The following INSR variants were observed in gnomAD, a reference collection of about 807,000 sequenced individuals.
INSR encodes IR.
INSR carries 67 observed loss-of-function variants against 142.6 expected under a neutral mutation model. The ratio of observed to expected loss-of-function variants is 0.47; its 90% CI spans 0.39 to 0.58. The LOEUF (loss-of-function observed/expected upper bound fraction) is 0.58, where lower values mean the gene tolerates loss of function less well. Ranked by LOEUF, INSR falls within the 20% of genes least tolerant of loss-of-function variation. The pLI, the probability that INSR is intolerant of heterozygous loss-of-function variation, is 0.00. For missense variants in INSR, 1,248 were observed against 1,833.2 expected, an observed-to-expected ratio of 0.68 and a Z score of 5.83; for synonymous variants, 756 against 743.1, an observed-to-expected ratio of 1.02 and a Z score of -0.28.
chr19:7,120,946 A>G (rs777694266), intron 19 of INSR, among the ~76,000 whole-genome samples, 197 bp from the exon 20 acceptor site: 1 of 152,036 alleles, frequency 6.6e-6, no homozygotes, highest in Non-Finnish European at 1.5e-5. Flanking sequence ...AAGATGGGCT[A>G]CTGTTTAAAG....
chr19:7,120,555 C>T, intron 20 of INSR, 65 bp downstream of exon 20: 1 of 1,604,850 alleles, frequency 6.2e-7, no homozygotes, highest in Non-Finnish European at 8.5e-7. Context: ...TTCCCCCGCT[C>T]TTGGCTCTCA....
chr19:7,177,503 A>C (rs1974160728), intron 3 of INSR, among the ~76,000 whole-genome samples: 1 of 151,822 alleles, frequency 6.6e-6, no homozygotes, highest in African/African-American at 2.4e-5. Flanking sequence ...ATCTTGGTTA[A>C]GTCAATGGTT....
chr19:7,239,908 C>T (rs1568211380), intron 2 of INSR, among the ~76,000 whole-genome samples: 1 of 151,964 alleles, frequency 6.6e-6, no homozygotes, highest in Non-Finnish European at 1.5e-5. Context: ...CATATGTGTG[C>T]ATGGTGAGGA....
At chr19:7,124,118 C>T (rs1278918571) in intron 17 of INSR, among the ~76,000 whole-genome samples, 3 of 151,794 alleles carry the variant, frequency 2.0e-5, no homozygotes, top group African/African-American at 7.3e-5. Flanking sequence ...AATCCCAGCA[C>T]TTTGGGAGGC....
chr19:7,207,940 G>GGAAGGAAGGAAGGAA (rs879531050), intron 2 of INSR, among the ~76,000 whole-genome samples: 1 of 102,050 alleles, frequency 9.8e-6, no homozygotes, highest in Non-Finnish European at 2.1e-5. Context: ...AAGGAAGGAA[G>GGAAGGAAGGAAGGAA]GGAAGGAGGG....
In INSR at chr19:7,244,931, CTT is replaced by C. The variant is rs370936908; in HGVS notation, c.652+22412_652+22413del. Among the ~76,000 whole-genome samples the C allele has an allele frequency of 4.1e-3, 361 of 88,002 alleles. 2 individuals carry two copies. The highest frequency in any genetic ancestry group is 0.011 in the African/African-American group (323 of 28,374). The allele number at this position is 88,002 out of a possible 152,430, so 57.7% of individuals were successfully genotyped here. A position where few individuals can be genotyped will look rare whatever the true frequency, so the allele number is the denominator to read the frequency against. On this transcript the variant is annotated intron_variant, in intron 2 of 21. Transcript: ENST00000302850. ...ATGGGTTTTTTTGTTTTTGTTTTTG[CTT>C]TTTTTTTTTTTTTTTTTTTCAAGAT...
intron 8 of INSR, among the ~76,000 whole-genome samples, chr19:7,163,468 G>A (rs1973810595): frequency 6.6e-6 from 1 of 152,014 alleles, no homozygotes; most frequent in African/African-American, 2.4e-5. Flanking sequence ...GCTGAGGCAG[G>A]AGAATGGCGT....
intron 1 of INSR, among the ~76,000 whole-genome samples, chr19:7,283,474 C>G (rs749993688): frequency 6.6e-6 from 1 of 152,156 alleles, no homozygotes; most frequent in African/African-American, 2.4e-5. Context: ...GGGTCTTGCT[C>G]TGTTGCCCTG....
intron 2 of INSR, among the ~76,000 whole-genome samples, chr19:7,236,190 G>A (rs1171801705): frequency 6.6e-6 from 1 of 151,812 alleles, no homozygotes; most frequent in East Asian, 1.9e-4. Flanking sequence ...TTGAACTGCT[G>A]ACCTCAAGTG....
intron 1 of INSR, among the ~76,000 whole-genome samples, chr19:7,276,430 A>G (rs999409442): frequency 1.5e-4 from 22 of 148,246 alleles, no homozygotes; most frequent in Non-Finnish European, 3.0e-4. Context: ...GGTGTGAGCC[A>G]TCAAGCCCGG....
chr19:7,137,592 A>C (rs1972963197), intron 13 of INSR, among the ~76,000 whole-genome samples: 1 of 152,100 alleles, frequency 6.6e-6, no homozygotes, highest in Non-Finnish European at 1.5e-5. Flanking sequence ...GCTCGAGACC[A>C]GCCAGGCCAA....
chr19:7,285,579 G>C (rs745981570), intron 1 of INSR, among the ~76,000 whole-genome samples: 6 of 151,950 alleles, frequency 3.9e-5, no homozygotes, highest in Non-Finnish European at 8.8e-5. Flanking sequence ...GAGGCTGCAG[G>C]GAATTAGGAC....
intron 2 of INSR, among the ~76,000 whole-genome samples, chr19:7,208,999 T>TAA (rs202099196): frequency 6.9e-6 from 1 of 145,350 alleles, no homozygotes; most frequent in Non-Finnish European, 1.5e-5. Context: ...AAGACTCCAT[T>TAA]AAAAAAAAAA....
At chr19:7,163,925 TAAAAAA>T (rs748862314) in intron 8 of INSR, among the ~76,000 whole-genome samples, 11 of 44,598 alleles carry the variant, frequency 2.5e-4, no homozygotes, top group East Asian at 1.5e-3. Context: ...CTATCTCTAC[TAAAAAA>T]AAAAAAAAAA....
At chr19:7,179,751 C>T (rs1391855547) in intron 3 of INSR, among the ~76,000 whole-genome samples, 1 of 152,218 alleles carries the variant, frequency 6.6e-6, no homozygotes, top group Admixed American at 6.5e-5. Context: ...CCTTGGCCAA[C>T]CCCCGTTCTC....
intron 2 of INSR, among the ~76,000 whole-genome samples, chr19:7,200,859 C>G (rs1359779416): frequency 1.3e-5 from 1 of 76,312 alleles, no homozygotes; most frequent in Non-Finnish European, 2.5e-5. Context: ...GACCTTATCT[C>G]AAAAAAAAAA....
chr19:7,206,928 A>G (rs1975119451), intron 2 of INSR, among the ~76,000 whole-genome samples: 1 of 152,160 alleles, frequency 6.6e-6, no homozygotes, highest in Non-Finnish European at 1.5e-5. Context: ...ATCCACAGTA[A>G]CAGAACACTC....
intron 1 of INSR, among the ~76,000 whole-genome samples, chr19:7,278,679 T>G (rs1393787878): frequency 7.6e-5 from 11 of 144,706 alleles, no homozygotes; most frequent in African/African-American, 1.3e-4. Context: ...GCCAACATGG[T>G]GAAACCCCAT....
At chr19:7,266,700 T>C (rs1484901914) in intron 2 of INSR, among the ~76,000 whole-genome samples, 1 of 152,086 alleles carries the variant, frequency 6.6e-6, no homozygotes, top group Non-Finnish European at 1.5e-5. Flanking sequence ...ATCATCTTAA[T>C]GCCCAATAAC....
Sources: gnomAD v4.1 joint callset for allele counts (sites outside exome capture counted in the v4.1 genomes callset) on GRCh38, gnomAD v4.1.1 for gene constraint, MANE v1.5 for transcripts, NCBI Gene and HGNC (gene_info 2026-07-23, HGNC 2026-07-21) for gene names.